CAP1: variants seen among roughly 807,000 people sequenced by gnomAD.
The protein encoded by CAP1 is cyclase associated actin cytoskeleton regulatory protein 1.
Under a neutral mutation model 58.2 loss-of-function variants are expected in CAP1, and 11 were observed. The ratio of observed to expected loss-of-function variants is 0.19; its 90% confidence interval spans 0.12 to 0.31. CAP1 has a LOEUF of 0.31. Ranked by LOEUF, CAP1 falls within the 10% of genes least tolerant of loss-of-function variation. The pLI is 1.00. For synonymous variants in CAP1, 183 were observed against 213.8 expected, an observed-to-expected ratio of 0.86 and a Z score of 1.26; for missense variants, 423 against 587.5, an observed-to-expected ratio of 0.72 and a Z score of 2.89.
intron 1 of CAP1, among the ~76,000 whole-genome samples, chr1:40,048,111 C>T (rs898375879): frequency 8.6e-5 from 13 of 152,032 alleles, no homozygotes; most frequent in African/African-American, 2.7e-4. Flanking sequence ...CTCCGCCTCC[C>T]GGGTTCAAGC....
chr1:40,064,285 T>C lies in CAP1; in HGVS notation c.353T>C (p.Phe118Ser), dbSNP rs1311774527. Residue 118 changes from phenylalanine to serine, a missense_variant, in exon 5 of 13, where the codon TTT (phenylalanine) becomes TCT (serine). Transcript: ENST00000372805. ...ISEQIKEVIT[F>S]REKNRGSKLF... Reference sequence around the variant, plus strand: ...GAGCAGATCAAAGAAGTGATAACCTTTCGGGAGAAGAACCGAGGCAGCAAG... The same window carrying C: ...GAGCAGATCAAAGAAGTGATAACCTCTCGGGAGAAGAACCGAGGCAGCAAG... 1 of 1,614,048 alleles carries C rather than the reference T, an allele frequency of 6.2e-7. No individual in the cohort carries two copies. The highest frequency in any genetic ancestry group is 8.5e-7 in the Non-Finnish European group (1 of 1,180,002).
chr1:40,059,018 A>T (rs3131671), intron 1 of CAP1, among the ~76,000 whole-genome samples: 104,231 of 148,050 alleles, frequency 0.7, 37,542 homozygotes, highest in Non-Finnish European at 0.75. Context: ...TATCCTTTGC[A>T]AATTCTAACT....
intron 4 of CAP1, among the ~76,000 whole-genome samples, chr1:40,062,482 G>A (rs1295919199): frequency 3.3e-5 from 5 of 152,128 alleles, no homozygotes; most frequent in Admixed American, 2.6e-4. Flanking sequence ...AAGTGTGCTG[G>A]CTCATTCCTG....
At position 40,070,521 on chromosome 1, in the gene CAP1, A is replaced by G. The variant is rs760320879; in HGVS notation, c.1200+9A>G. On this transcript the variant is annotated intron_variant, in intron 11 of 12. Coordinates refer to ENST00000372805, the MANE Select transcript of CAP1 (RefSeq NM_006367.4). ...AGGATGTCAAAGTTCAGGTAACTCG[A>G]TATTTTGGCTCCTTCTTTTTGTCCC... 5.4e-5 allele frequency: 87 copies of G among 1,605,544 alleles called. No homozygotes were observed. The Admixed American group carries it at 5.5e-4, about 10-fold the overall frequency.
At chr1:40,066,144 A>G in intron 6 of CAP1, 71 bp from the exon 7 acceptor site, 1 of 839,726 alleles carries the variant, frequency 1.2e-6, no homozygotes, top group Non-Finnish European at 2.1e-6. Context: ...CCCATAGGAA[A>G]GAAGGGTTCT....
rs1646785595 is a variant in CAP1 at position 40,060,115 on chromosome 1, C to T, written c.161C>T (p.Pro54Leu). 1.2e-6 allele frequency: 2 copies of T among 1,613,810 alleles called. No individual in the cohort carries two copies. Among genetic ancestry groups the T allele is most frequent in the East Asian group, 4.5e-5 (2 of 44,872 alleles). ...VQAFDSLLAGPVAEYLKISKE... is the reference protein window; with the variant it reads ...VQAFDSLLAGLVAEYLKISKE... ...GCATTTGACTCGCTGCTTGCTGGTC[C>T]TGTGGCAGAGTACTTGAAGATCAGT... The change falls in exon 3 of 13, where the codon CCT (proline) becomes CTT (leucine). Residue 54 changes from proline (P) to leucine (L), a missense_variant. Pro to Leu is a moderately conservative substitution (Grantham distance 98, BLOSUM62 -3). Coordinates refer to ENST00000372805, the MANE Select transcript of CAP1 (RefSeq NM_006367.4).
intron 1 of CAP1, among the ~76,000 whole-genome samples, chr1:40,043,266 C>G (rs944021345): frequency 6.6e-6 from 1 of 152,218 alleles, no homozygotes; most frequent in Admixed American, 6.5e-5. Context: ...GGCACAATCT[C>G]GGGTCACTGA....
chr1:40,062,773 T>TTGTGTGTGTGTGTGTGTGTGTG (rs1169359200), intron 4 of CAP1, among the ~76,000 whole-genome samples: 7,201 of 145,430 alleles, frequency 0.05, 249 homozygotes, highest in Admixed American at 0.092. Flanking sequence ...TCAAAAAACA[T>TTGTGTGTGTGTGTGTGTGTGTG]TGTGTGTGTG....
chr1:40,057,942 A>T (rs2124324650), intron 1 of CAP1, among the ~76,000 whole-genome samples: 1 of 152,288 alleles, frequency 6.6e-6, no homozygotes, highest in East Asian at 1.9e-4. Context: ...TGTGTGACTT[A>T]TGGGCAACTT....
In CAP1 at chr1:40,067,684, G is replaced by T. The variant is rs375877766; in HGVS notation, c.775G>T (p.Ala259Ser). Reference sequence around the variant, plus strand: ...GTCTGCTTCCCGCTCATCACTGTTCGCGCAGATTAATCAGGGGGAGAGCAT... The same window carrying T: ...GTCTGCTTCCCGCTCATCACTGTTCTCGCAGATTAATCAGGGGGAGAGCAT... ...YESASRSSLFAQINQGESITH... is the reference protein window; with the variant it reads ...YESASRSSLFSQINQGESITH... The change falls in exon 8 of 13, where the codon GCG becomes TCG. Residue 259 changes from alanine to serine, a missense_variant. Physicochemically the swap from Ala to Ser is moderately conservative, Grantham distance 99. Coordinates refer to ENST00000372805, the MANE Select transcript of CAP1 (RefSeq NM_006367.4). The T allele has an allele frequency of 2.3e-5, 37 of 1,597,876 alleles. No homozygotes were observed. Among genetic ancestry groups the T allele is most frequent in the Non-Finnish European group, 2.6e-5 (31 of 1,172,386 alleles).
chr1:40,058,135 G>A (rs892671409), intron 1 of CAP1, among the ~76,000 whole-genome samples: 1 of 152,176 alleles, frequency 6.6e-6, no homozygotes, highest in African/African-American at 2.4e-5. Context: ...ATTAGACATT[G>A]AATTAGGCTA....
rs1648186093 is a variant in CAP1 at position 40,072,260 on chromosome 1, A to AG, written c.*727_*728insG. On this transcript the variant is annotated 3_prime_UTR_variant, in exon 13 of 13. Coordinates refer to ENST00000372805, the MANE Select transcript of CAP1 (RefSeq NM_006367.4). ...AGAGATGACTTTAAAAGGAAAAAAA[A>AG]AAAAAAAAAAACCCACATGATTTCA... 2 of 286,950 alleles carry AG rather than the reference A, an allele frequency of 7.0e-6. No individual in the cohort carries two copies. The highest frequency in any genetic ancestry group is 8.7e-5 in the East Asian group (2 of 22,984). The allele number at this position is 286,950 out of a possible 1,614,324, so 17.8% of individuals were successfully genotyped here.
intron 3 of CAP1, among the ~76,000 whole-genome samples, chr1:40,060,447 A>G (rs1052245763): frequency 1.3e-5 from 2 of 152,188 alleles, no homozygotes; most frequent in South Asian, 4.1e-4. Flanking sequence ...AGTGAAGAAT[A>G]TGCACCAGTT....
rs140053828 is a variant in CAP1 at position 40,070,071 on chromosome 1, T to C, written c.994-88T>C. On this transcript the variant is annotated intron_variant, in intron 9 of 12. Transcript: ENST00000372805. ...GATGAGGGCAGAGTTCTGGCTTCAA[T>C]TGCAAGAACAAAAAGTTTGGGATAG... The C allele has an allele frequency of 7.1e-4, 1,122 of 1,571,964 alleles. 20 individuals carry two copies. In the East Asian group the frequency reaches 0.024, roughly 34 times the overall value.
In CAP1 at chr1:40,061,736, C is replaced by A; in HGVS notation, c.218C>A (p.Ala73Glu). 6.2e-7 allele frequency: 1 copy of A among 1,613,262 alleles called. No individual in the cohort carries two copies. The highest frequency in any genetic ancestry group is 8.5e-7 in the Non-Finnish European group (1 of 1,179,406). ...KEIGGDVQKH[A>E]EMVHTGLKLE... is the part of the protein sequence containing the mutation. ...ATAGCTGATTCTTCTTTCTGGCAGG[C>A]GGAGATGGTCCACACAGGTTTGAAG... is the stretch of plus-strand genomic sequence containing the variant. Residue 73 changes from alanine (A) to glutamate (E), a missense_variant and splice_region_variant, in exon 4 of 13, where the codon GCG (alanine) becomes GAG (glutamate). Physicochemically the swap from Ala to Glu is moderately radical, Grantham distance 107. Transcript: ENST00000372805.
At chr1:40,060,548 G>A (rs1646804592) in intron 3 of CAP1, among the ~76,000 whole-genome samples, 1 of 152,128 alleles carries the variant, frequency 6.6e-6, no homozygotes, top group Non-Finnish European at 1.5e-5. Flanking sequence ...ATGCTTGATA[G>A]TTATTAGTTA....
chr1:40,059,032 T>TTTTTTTTTTTTTTGAG (rs1553163419), intron 1 of CAP1, among the ~76,000 whole-genome samples: 13 of 152,116 alleles, frequency 8.5e-5, no homozygotes, highest in African/African-American at 3.1e-4. Context: ...TCTAACTTTC[T>TTTTTTTTTTTTTTGAG]ACACACAGTA....
intron 1 of CAP1, among the ~76,000 whole-genome samples, chr1:40,051,218 C>T (rs901240724): frequency 5.9e-5 from 9 of 152,206 alleles, no homozygotes; most frequent in African/African-American, 2.2e-4. Context: ...GATAATTTAA[C>T]TTTCCCTAAT....
Position 40,069,798 on chromosome 1 carries a change from A to G in CAP1, c.917A>G (p.Gln306Arg). ...GPKPFSAPKP[Q>R]TSPSPKRATK... ...AAACCATTCTCTGCACCTAAACCCC[A>G]AACCAGCCCATCCCCCAAACGAGCC... is the stretch of plus-strand genomic sequence containing the variant. Residue 306 changes from glutamine (Q) to arginine (R), a missense_variant, in exon 9 of 13, where the codon CAA becomes CGA. By Grantham distance (43) the Gln-to-Arg change is conservative. Coordinates refer to ENST00000372805, the MANE Select transcript of CAP1 (RefSeq NM_006367.4). The G allele has an allele frequency of 1.9e-6, 3 of 1,606,864 alleles. No individual in the cohort carries two copies. Among genetic ancestry groups the G allele is most frequent in the Non-Finnish European group, 2.5e-6 (3 of 1,176,726 alleles).
Sources: allele counts gnomAD v4.1 joint callset (sites outside exome capture counted in the v4.1 genomes callset), GRCh38; gene constraint gnomAD v4.1.1; transcripts MANE v1.5; gene names NCBI Gene and HGNC (gene_info 2026-07-23, HGNC 2026-07-21).